Variants in PTPRD observed in about 807,000 individuals in gnomAD.
The protein encoded by PTPRD is protein tyrosine phosphatase receptor type D, also known as receptor-type tyrosine-protein phosphatase delta.
A neutral mutation model predicts 214.5 loss-of-function variants in PTPRD; 34 were observed. That is an observed-to-expected ratio of 0.16 (90% CI 0.12 to 0.21). PTPRD has a LOEUF of 0.21. Ranked by LOEUF, PTPRD falls within the 10% of genes least tolerant of loss-of-function variation. The pLI is 1.00. For synonymous variants in PTPRD, 1,128 were observed against 845.7 expected, an observed-to-expected ratio of 1.33 and a Z score of -5.79; for missense variants, 2,545 against 2,398.7, an observed-to-expected ratio of 1.06 and a Z score of -1.27.
chr9:10,105,205 A>G lies in PTPRD; in HGVS notation c.-544-71415T>C, dbSNP rs72694861. On this transcript the variant is annotated intron_variant, in intron 3 of 45. Coordinates refer to ENST00000381196, the MANE Select transcript of PTPRD (RefSeq NM_002839.4). The stretch of plus-strand genomic sequence containing the variant: ...TAATGGCTACTAAAGTACTCTCCAC[A>G]TTAGAAATTCAATTAGTCTTGAGGG... Among the ~76,000 whole-genome samples, 6 of 151,782 alleles carry G rather than the reference A, an allele frequency of 4.0e-5. 1 individual carries two copies. Among genetic ancestry groups the G allele is most frequent in the Admixed American group, 2.0e-4 (3 of 15,162 alleles).
intron 8 of PTPRD, among the ~76,000 whole-genome samples, chr9:9,423,074 G>T (rs964804338): frequency 2.6e-5 from 4 of 152,084 alleles, no homozygotes; most frequent in Non-Finnish European, 5.9e-5. Context: ...TCTTCCTCAT[G>T]AAGTTCTTGT....
At chr9:8,415,603 A>G (rs2093875026) in intron 35 of PTPRD, among the ~76,000 whole-genome samples, 1 of 152,118 alleles carries the variant, frequency 6.6e-6, no homozygotes, top group African/African-American at 2.4e-5. Flanking sequence ...TTCAACCATG[A>G]TACGTGTCTC....
intron 2 of PTPRD, among the ~76,000 whole-genome samples, chr9:10,418,260 AT>A (rs2098512114): frequency 6.6e-6 from 1 of 151,888 alleles, no homozygotes. Flanking sequence ...ATATAATAGC[AT>A]TATGTTTCCC....
chr9:10,257,720 G>A (rs1276979655), intron 3 of PTPRD, among the ~76,000 whole-genome samples: 1 of 152,006 alleles, frequency 6.6e-6, no homozygotes, highest in Non-Finnish European at 1.5e-5. Context: ...ACCTCAACTG[G>A]TCTATGCATG....
At chr9:8,601,853 A>T (rs2094887297) in intron 14 of PTPRD, among the ~76,000 whole-genome samples, 1 of 152,230 alleles carries the variant, frequency 6.6e-6, no homozygotes, top group South Asian at 2.1e-4. Context: ...TCAGTTAAGA[A>T]ATATGTATCA....
chr9:10,135,274 T>G (rs1053696799), intron 3 of PTPRD, among the ~76,000 whole-genome samples: 2 of 152,058 alleles, frequency 1.3e-5, no homozygotes, highest in East Asian at 1.9e-4. Context: ...GAGAGAGTAG[T>G]AGAGAGATTA....
At chr9:10,332,048 A>T (rs2096760546) in intron 3 of PTPRD, among the ~76,000 whole-genome samples, 1 of 151,836 alleles carries the variant, frequency 6.6e-6, no homozygotes, top group South Asian at 2.1e-4. Flanking sequence ...CATTTCCTTG[A>T]TTCTATAATG....
intron 11 of PTPRD, among the ~76,000 whole-genome samples, chr9:8,888,895 T>C (rs1201988778): frequency 1.3e-5 from 2 of 152,232 alleles, no homozygotes; most frequent in South Asian, 2.1e-4. Flanking sequence ...GAGCAGCTTA[T>C]GTAACAACCC....
intron 7 of PTPRD, among the ~76,000 whole-genome samples, chr9:9,582,640 A>G (rs2091084317): frequency 6.6e-6 from 1 of 152,100 alleles, no homozygotes; most frequent in African/African-American, 2.4e-5. Context: ...TTATATCTCA[A>G]TAAAGCTGTT....
intron 12 of PTPRD, among the ~76,000 whole-genome samples, chr9:8,702,555 G>C (rs1016885887): frequency 3.3e-5 from 5 of 152,170 alleles, no homozygotes; most frequent in Admixed American, 3.3e-4. Flanking sequence ...ATCTGTAAAG[G>C]AGAGCTGCAC....
At chr9:9,268,253 T>C (rs976873089) in intron 9 of PTPRD, among the ~76,000 whole-genome samples, 11 of 150,976 alleles carry the variant, frequency 7.3e-5, no homozygotes, top group Admixed American at 2.0e-4. Context: ...AAGAAAACAA[T>C]CCTATTTACA....
intron 3 of PTPRD, among the ~76,000 whole-genome samples, chr9:10,123,205 T>C (rs1442837128): frequency 6.6e-6 from 1 of 152,248 alleles, no homozygotes; most frequent in Non-Finnish European, 1.5e-5. Context: ...GAATTGAAGC[T>C]ACATAGGTGC....
chr9:10,031,284 A>T (rs2097060813), intron 4 of PTPRD, among the ~76,000 whole-genome samples: 3 of 152,188 alleles, frequency 2.0e-5, no homozygotes. Flanking sequence ...ATTGGATTGA[A>T]GGATGCAAGT....
At chr9:8,735,006 C>A (rs2089813678) in intron 11 of PTPRD, among the ~76,000 whole-genome samples, 1 of 152,082 alleles carries the variant, frequency 6.6e-6, no homozygotes, top group Non-Finnish European at 1.5e-5. Context: ...GGAATAGGGC[C>A]TCCCAAAGGT....
chr9:9,706,153 C>A (rs1045978470), intron 7 of PTPRD, among the ~76,000 whole-genome samples: 1 of 152,088 alleles, frequency 6.6e-6, no homozygotes, highest in African/African-American at 2.4e-5. Flanking sequence ...CTAATTACCA[C>A]AGTTTGTTTT....
At chr9:8,923,133 C>T (rs1237968567) in intron 11 of PTPRD, among the ~76,000 whole-genome samples, 2 of 151,242 alleles carry the variant, frequency 1.3e-5, no homozygotes, top group African/African-American at 4.9e-5. Context: ...CCTCCGCCTC[C>T]TGGGTTCAAG....
At chr9:8,519,359 T>C (rs549707929) in intron 20 of PTPRD, among the ~76,000 whole-genome samples, 32 of 152,294 alleles carry the variant, frequency 2.1e-4, no homozygotes, top group African/African-American at 7.5e-4. Context: ...ATTAAAAATA[T>C]AAACTGTCTG....
intron 7 of PTPRD, among the ~76,000 whole-genome samples, chr9:9,621,938 G>A (rs1302830667): frequency 6.6e-6 from 1 of 152,086 alleles, no homozygotes; most frequent in African/African-American, 2.4e-5. Flanking sequence ...ATAAAGTAAG[G>A]CAAATAAGCT....
intron 7 of PTPRD, among the ~76,000 whole-genome samples, chr9:9,612,792 G>C (rs1002891122): frequency 2.0e-5 from 3 of 152,012 alleles, no homozygotes; most frequent in African/African-American, 7.2e-5. Flanking sequence ...GTTGATATAA[G>C]AAACACTTTG....
Sources: gnomAD v4.1 joint callset for allele counts (sites outside exome capture counted in the v4.1 genomes callset) on GRCh38, gnomAD v4.1.1 for gene constraint, MANE v1.5 for transcripts, NCBI Gene and HGNC (gene_info 2026-07-23, HGNC 2026-07-21) for gene names.